Variants in DCAF5 observed in about 807,000 individuals in gnomAD.
DCAF5 encodes DDB1- and CUL4-associated factor 5.
A neutral mutation model predicts 80.7 loss-of-function variants in DCAF5; 9 were observed. That is an observed-to-expected ratio of 0.11 (90% CI 0.07 to 0.19). The LOEUF (loss-of-function observed/expected upper bound fraction) is 0.19. Ranked by LOEUF, DCAF5 falls within the 10% of genes least tolerant of loss-of-function variation. DCAF5 has a pLI of 1.00. For synonymous variants in DCAF5, 433 were observed against 461.9 expected, an observed-to-expected ratio of 0.94 and a Z score of 0.80; for missense variants, 842 against 1,205.7, an observed-to-expected ratio of 0.70 and a Z score of 4.47.
chr14:69,127,840 A>G (rs1291594117), intron 1 of DCAF5, among the ~76,000 whole-genome samples: 1 of 152,234 alleles, frequency 6.6e-6, no homozygotes, highest in African/African-American at 2.4e-5. Flanking sequence ...AAACATCATA[A>G]GTAAATCCTT....
chr14:69,139,882 G>A (rs2041311137), intron 1 of DCAF5, among the ~76,000 whole-genome samples: 2 of 149,712 alleles, frequency 1.3e-5, no homozygotes, highest in Admixed American at 6.7e-5. Context: ...GGGAGGAAGG[G>A]AGGGAAAGGG....
intron 2 of DCAF5, among the ~76,000 whole-genome samples, chr14:69,121,477 GTTAA>G (rs2040715994): frequency 6.6e-6 from 1 of 152,278 alleles, no homozygotes; most frequent in Admixed American, 6.5e-5. Flanking sequence ...GTTGAAAATG[GTTAA>G]TTGTCAGCAA....
At chr14:69,095,880 C>T (rs573207654) in intron 5 of DCAF5, among the ~76,000 whole-genome samples, 2 of 152,226 alleles carry the variant, frequency 1.3e-5, no homozygotes, top group African/African-American at 4.8e-5. Context: ...CTCTATAAGA[C>T]CGGTGGAATG....
At chr14:69,075,101 TG>T (rs2038850225) in intron 7 of DCAF5, among the ~76,000 whole-genome samples, 1 of 152,032 alleles carries the variant, frequency 6.6e-6, no homozygotes, top group African/African-American at 2.4e-5. Context: ...AGGAGTTCTA[TG>T]AAGTCTGAAG....
intron 1 of DCAF5, among the ~76,000 whole-genome samples, chr14:69,134,555 C>T (rs960410584): frequency 6.6e-6 from 1 of 152,178 alleles, no homozygotes; most frequent in African/African-American, 2.4e-5. Context: ...CAGATGCAAA[C>T]AGGGTTAACT....
At chr14:69,057,226 C>A (rs929635450) in intron 8 of DCAF5, among the ~76,000 whole-genome samples, 1 of 152,180 alleles carries the variant, frequency 6.6e-6, no homozygotes, top group African/African-American at 2.4e-5. Context: ...AAGGTTTACA[C>A]ATGGTCTCCA....
At position 69,051,257 on chromosome 14, in the gene DCAF5, T is replaced by C. The variant is rs1475257439; in HGVS notation, c.*2600A>G. On this transcript the variant is annotated 3_prime_UTR_variant, in exon 9 of 9. Transcript: ENST00000341516. ...ATAGTTCTTGATCTAATCAGTGCCA[T>C]CTGTCCTGCTATTAAAAATATCTAT... The C allele has an allele frequency of 5.2e-5, 8 of 152,686 alleles. No individual in the cohort carries two copies. The highest frequency in any genetic ancestry group is 1.0e-4 in the Non-Finnish European group (7 of 68,056). The allele number at this position is 152,686 out of a possible 1,614,324, so 9.5% of individuals were successfully genotyped here. A position where few individuals can be genotyped will look rare whatever the true frequency, so the allele number is the denominator to read the frequency against.
In DCAF5 at chr14:69,152,487, A is replaced by C. The variant is rs2140139043; in HGVS notation, c.214+278T>G. 5.8e-6 allele frequency: 2 copies of C among 345,876 alleles called. No homozygotes were observed. The highest frequency in any genetic ancestry group is 5.4e-5 in the East Asian group (1 of 18,682). 21.4% of individuals were successfully genotyped at this position (345,876 alleles called of 1,614,324 possible). On this transcript the variant is annotated intron_variant, in intron 1 of 8. Coordinates refer to ENST00000341516, the MANE Select transcript of DCAF5 (RefSeq NM_003861.3). The surrounding 1 kb of genome is among the most constrained non-coding windows in gnomAD (Gnocchi z 4.1). ...GTAACCTCGCCCCCCTCCCCGACCT[A>C]CACTTTCAGGGCAGGCATCAGGAGA...
chr14:69,115,757 A>G (rs1277968890), intron 5 of DCAF5, among the ~76,000 whole-genome samples: 1 of 152,200 alleles, frequency 6.6e-6, no homozygotes, highest in African/African-American at 2.4e-5. Flanking sequence ...TGCTCTTTTC[A>G]TAGTGCCATG....
rs577367923 is a variant in DCAF5, at chr14:69,090,151, A to G, written c.879+1523T>C. On this transcript the variant is annotated intron_variant, in intron 6 of 8. Coordinates refer to ENST00000341516, the MANE Select transcript of DCAF5 (RefSeq NM_003861.3). Reference sequence around the variant, plus strand: ...CATGCATAAGAAGTTGACAAAGGATAGGAAATCAACAAAAGCAAAGAAAGA... The same window carrying G: ...CATGCATAAGAAGTTGACAAAGGATGGGAAATCAACAAAAGCAAAGAAAGA... 972 of 977,328 alleles carry G rather than the reference A, an allele frequency of 9.9e-4. 20 individuals are homozygous for G. The South Asian group carries it at 0.028, about 28-fold the overall frequency. 60.5% of individuals were successfully genotyped at this position (977,328 alleles called of 1,614,324 possible). A position where few individuals can be genotyped will look rare whatever the true frequency, so the allele number is the denominator to read the frequency against.
rs985486599 is a variant in DCAF5 at position 69,051,163 on chromosome 14, C to T, written c.*2694G>A. ...TGGAAAATAGAGAGAAATGATTTTACATATCTGGACCTGCCACTTAAAACT... is the reference window on the plus strand; with the variant it reads ...TGGAAAATAGAGAGAAATGATTTTATATATCTGGACCTGCCACTTAAAACT... On this transcript the variant is annotated 3_prime_UTR_variant, in exon 9 of 9. Coordinates refer to ENST00000341516, the MANE Select transcript of DCAF5 (RefSeq NM_003861.3). 1 of 152,536 alleles carries T rather than the reference C, an allele frequency of 6.6e-6. No individual in the cohort carries two copies. The highest frequency in any genetic ancestry group is 1.5e-5 in the Non-Finnish European group (1 of 68,028). The allele number at this position is 152,536 out of a possible 1,614,324, so 9.4% of individuals were successfully genotyped here.
chr14:69,112,584 T>C (rs2040407209), intron 5 of DCAF5, among the ~76,000 whole-genome samples: 1 of 110,334 alleles, frequency 9.1e-6, no homozygotes, highest in Non-Finnish European at 1.9e-5. Flanking sequence ...GGAAGGATGA[T>C]ATATATGTAT....
chr14:69,098,514 G>A (rs1438232488), intron 5 of DCAF5, among the ~76,000 whole-genome samples: 1 of 151,570 alleles, frequency 6.6e-6, no homozygotes, highest in East Asian at 1.9e-4. Context: ...ATGCTTAAAC[G>A]GTGCCAGACA....
In DCAF5 at chr14:69,051,697, C is replaced by T. The variant is rs2037767537; in HGVS notation, c.*2160G>A. 6.6e-6 allele frequency: 1 copy of T among 152,422 alleles called. No homozygotes were observed. The highest frequency in any genetic ancestry group is 1.5e-5 in the Non-Finnish European group (1 of 68,032). The allele number at this position is 152,422 out of a possible 1,614,324, so 9.4% of individuals were successfully genotyped here. On this transcript the variant is annotated 3_prime_UTR_variant, in exon 9 of 9. Coordinates refer to ENST00000341516, the MANE Select transcript of DCAF5 (RefSeq NM_003861.3). ...ACCAAGTAGCTAGTTCCCAAGGGAA[C>T]TTTAACTACTTCTTTTCAGGAAGAT...
At chr14:69,084,559 T>C in intron 6 of DCAF5, 1 of 758,866 alleles carries the variant, frequency 1.3e-6, no homozygotes, top group Non-Finnish European at 2.3e-6. Context: ...ATAAAGCTAA[T>C]GCAACAGTGG....
At chr14:69,116,582 G>GACGC in intron 4 of DCAF5, 87 bp from the exon 5 acceptor site, 1 of 1,516,132 alleles carries the variant, frequency 6.6e-7, no homozygotes, top group Non-Finnish European at 8.9e-7. Context: ...ATACAGGTCG[G>GACGC]AGCACTCTTT....
intron 7 of DCAF5, among the ~76,000 whole-genome samples, chr14:69,072,081 C>T (rs929855667): frequency 1.3e-5 from 2 of 152,144 alleles, no homozygotes; most frequent in African/African-American, 4.8e-5. Flanking sequence ...TCATATAGAT[C>T]TGTAAGACCC....
chr14:69,128,705 T>G (rs1021884895), intron 1 of DCAF5, among the ~76,000 whole-genome samples: 2 of 151,640 alleles, frequency 1.3e-5, no homozygotes, highest in Non-Finnish European at 2.9e-5. Flanking sequence ...GAGGCGGAGG[T>G]TGCAGTGAGC....
intron 1 of DCAF5, among the ~76,000 whole-genome samples, chr14:69,131,076 C>T (rs912671371): frequency 5.3e-5 from 8 of 152,120 alleles, no homozygotes; most frequent in Middle Eastern, 3.2e-3. Context: ...ATGAACTTGT[C>T]CTAATCTTTC....
Sources: allele counts gnomAD v4.1 joint callset (sites outside exome capture counted in the v4.1 genomes callset), GRCh38; gene constraint gnomAD v4.1.1; non-coding constraint Gnocchi (gnomAD v3.1); transcripts MANE v1.5; gene names NCBI Gene and HGNC (gene_info 2026-07-23, HGNC 2026-07-21).